The following KLC1 variants were observed in gnomAD, a reference collection of about 807,000 sequenced individuals.
The protein encoded by KLC1 is kinesin light chain 1, also known as kinesin 2 60/70kDa.
Under a neutral mutation model 84.2 loss-of-function variants are expected in KLC1, and 30 were observed. That is an observed-to-expected ratio of 0.36 (90% CI 0.27 to 0.48). The LOEUF (loss-of-function observed/expected upper bound fraction) is 0.48. Among genes scored for constraint, KLC1 ranks in the 20% least tolerant of loss-of-function variants. The pLI is 0.99. For missense variants in KLC1, 499 were observed against 805.4 expected (o/e 0.62, Z 4.60); for synonymous variants, 289 against 293.3 (o/e 0.99, Z 0.15).
intron 9 of KLC1, 127 bp downstream of exon 9, chr14:103,673,558 T>G (rs760934808): frequency 6.2e-5 from 37 of 599,792 alleles, no homozygotes; most frequent in Non-Finnish European, 9.7e-5. Flanking sequence ...CTAAATAGTT[T>G]AAATGTGTGA....
At chr14:103,639,037 C>T (rs921599602) in intron 1 of KLC1, among the ~76,000 whole-genome samples, 3 of 152,156 alleles carry the variant, frequency 2.0e-5, no homozygotes, top group East Asian at 1.9e-4. Context: ...CCAGTTTCCT[C>T]AGCTGTAAAT....
intron 1 of KLC1, among the ~76,000 whole-genome samples, chr14:103,650,510 A>G (rs1184920350): frequency 6.6e-6 from 1 of 152,022 alleles, no homozygotes; most frequent in South Asian, 2.1e-4. Context: ...GTCAACTTAG[A>G]TACTGAGTAA....
intron 15 of KLC1, chr14:103,698,585 C>A: frequency 1.7e-6 from 1 of 603,714 alleles, no homozygotes; most frequent in East Asian, 2.8e-5. Flanking sequence ...GGCCTGTCCC[C>A]AGACCCAGGG....
rs200514199 is a variant in KLC1, at chr14:103,637,529, C to CA, written c.-2+8047dup. Among the ~76,000 whole-genome samples the CA allele has an allele frequency of 7.3e-3, 954 of 130,446 alleles. 10 individuals carry two copies. The highest frequency in any genetic ancestry group is 0.022 in the African/African-American group (791 of 35,510). The allele number at this position is 130,446 out of a possible 152,430, so 85.6% of individuals were successfully genotyped here. On this transcript the variant is annotated intron_variant, in intron 1 of 16. Coordinates refer to ENST00000334553, the MANE Select transcript of KLC1 (RefSeq NM_001394837.1). The stretch of plus-strand genomic sequence containing the variant: ...TGGGCAACAGAGTGAGACTCTGTTT[C>CA]AAAAAAAAAAAAGAAATTTTCGCAG...
intron 1 of KLC1, among the ~76,000 whole-genome samples, chr14:103,634,342 C>CT (rs745861093): frequency 2.6e-5 from 4 of 152,102 alleles, no homozygotes; most frequent in Non-Finnish European, 5.9e-5. Context: ...ATCCTCATCT[C>CT]TAATTTGGGT....
chr14:103,679,502 C>T lies in KLC1; in HGVS notation c.1607C>T (p.Pro536Leu), dbSNP rs764222464. The change falls in exon 13 of 17, where the codon CCT becomes CTT. Residue 536 changes from proline (P) to leucine (L), a missense_variant. This residue lies in a region of KLC1 where 167 missense variants were observed against 208.8 expected (regional missense o/e 0.80). Transcript: ENST00000334553. Reference protein sequence around the residue: ...NVDVVKYESGPDGGEEVSMSV... With the variant: ...NVDVVKYESGLDGGEEVSMSV... ...GACGTGGTCAAGTACGAGAGTGGCC[C>T]TGACGGAGGGGAGGAAGTGAGTATG... 2 of 1,614,038 alleles carry T rather than the reference C, an allele frequency of 1.2e-6. No homozygotes were observed. The highest frequency in any genetic ancestry group is 3.3e-5 in the Admixed American group (2 of 60,008).
intron 3 of KLC1, among the ~76,000 whole-genome samples, chr14:103,658,524 C>G (rs964834030): frequency 6.6e-6 from 1 of 151,050 alleles, no homozygotes; most frequent in Admixed American, 6.6e-5. Context: ...ATCTGCCCAC[C>G]TCAGCCTCCC....
chr14:103,649,948 A>T (rs972742730), intron 1 of KLC1, among the ~76,000 whole-genome samples: 2 of 151,530 alleles, frequency 1.3e-5, no homozygotes, highest in East Asian at 1.9e-4. Flanking sequence ...GCCCGCCTCC[A>T]CCTCCCAAAG....
chr14:103,631,874 C>G (rs1005279778), intron 1 of KLC1, among the ~76,000 whole-genome samples: 35 of 152,058 alleles, frequency 2.3e-4, no homozygotes, highest in African/African-American at 6.8e-4. Flanking sequence ...GCTAGGGTTA[C>G]AGGTGTGAGC....
intron 15 of KLC1, chr14:103,696,736 A>C: frequency 1.0e-6 from 1 of 985,462 alleles, no homozygotes. Context: ...GGAAGAACTT[A>C]AGCGGTTTTA....
chr14:103,632,312 G>A (rs941030155), intron 1 of KLC1, among the ~76,000 whole-genome samples: 3 of 151,940 alleles, frequency 2.0e-5, no homozygotes, highest in Admixed American at 2.0e-4. Flanking sequence ...TGTAATTCCA[G>A]CTACTCATGA....
At chr14:103,667,262 C>T (rs886412701) in intron 5 of KLC1, among the ~76,000 whole-genome samples, 6 of 151,034 alleles carry the variant, frequency 4.0e-5, no homozygotes, top group South Asian at 2.1e-4. Flanking sequence ...CAGGTGCCTG[C>T]CACCACACCC....
intron 15 of KLC1, chr14:103,695,456 C>T (rs906256372): frequency 8.6e-5 from 85 of 984,506 alleles, no homozygotes; most frequent in East Asian, 3.4e-4. Context: ...TGACAGGTGC[C>T]GTGGCTGCCC....
At chr14:103,698,699 G>T in intron 15 of KLC1, 1 of 1,117,356 alleles carries the variant, frequency 8.9e-7, no homozygotes, top group Non-Finnish European at 1.3e-6. Context: ...TCTGAACCAG[G>T]CTCCCAGCTG....
intron 11 of KLC1, among the ~76,000 whole-genome samples, chr14:103,676,102 T>A (rs910732142): frequency 3.3e-5 from 5 of 152,052 alleles, no homozygotes; most frequent in Non-Finnish European, 7.4e-5. Flanking sequence ...CCACACACAC[T>A]CCTTTTCCTC....
intron 6 of KLC1, among the ~76,000 whole-genome samples, 159 bp from the exon 7 acceptor site, chr14:103,670,018 ATACTC>A (rs1238605625): frequency 2.0e-5 from 3 of 152,188 alleles, no homozygotes; most frequent in African/African-American, 7.2e-5. Flanking sequence ...TGTATAATCT[ATACTC>A]TAGTGAATTG....
In KLC1 at chr14:103,693,525, T is replaced by C. The variant is rs1395939884; in HGVS notation, c.1848+1100T>C. On this transcript the variant is annotated intron_variant, in intron 15 of 16. Transcript: ENST00000334553. The surrounding 1 kb of genome is among the most constrained non-coding windows in gnomAD (Gnocchi z 5.1). ...CATCATTTGAAGTCCTGGTTAAGTGTAATTTTTCTATTTGTTTTTTCATGC... is the reference window on the plus strand; with the variant it reads ...CATCATTTGAAGTCCTGGTTAAGTGCAATTTTTCTATTTGTTTTTTCATGC... 1 of 1,535,932 alleles carries C rather than the reference T, an allele frequency of 6.5e-7. No homozygotes were observed. The highest frequency in any genetic ancestry group is 1.2e-5 in the South Asian group (1 of 84,036).
At chr14:103,640,108 T>C (rs1385375496) in intron 1 of KLC1, among the ~76,000 whole-genome samples, 1 of 152,180 alleles carries the variant, frequency 6.6e-6, no homozygotes, top group African/African-American at 2.4e-5. Flanking sequence ...CGCTCTGTTG[T>C]GGAGTGCAGT....
intron 1 of KLC1, among the ~76,000 whole-genome samples, chr14:103,637,694 A>T (rs2077155660): frequency 1.3e-5 from 2 of 152,108 alleles, no homozygotes; most frequent in African/African-American, 2.4e-5. Context: ...TTTTCTTTTT[A>T]AAAAAATATT....
Sources: gnomAD v4.1 joint callset for allele counts (sites outside exome capture counted in the v4.1 genomes callset) on GRCh38, gnomAD v4.1.1 for gene constraint, gnomAD v4.1.1 regional missense constraint, Gnocchi (gnomAD v3.1) non-coding constraint, MANE v1.5 for transcripts, NCBI Gene and HGNC (gene_info 2026-07-23, HGNC 2026-07-21) for gene names.